The following ZW10 variants were observed in gnomAD, a reference collection of about 807,000 sequenced individuals.
The protein encoded by ZW10 is centromere/kinetochore protein zw10 homolog.
Under a neutral mutation model 87.8 loss-of-function variants are expected in ZW10, and 53 were observed. That is an observed-to-expected ratio of 0.60 (90% CI 0.48 to 0.76). ZW10 has a LOEUF of 0.76. Among genes scored for constraint, ZW10 ranks in the 30% least tolerant of loss-of-function variants. The pLI is 0.00. For synonymous variants in ZW10, 312 were observed against 329.2 expected (o/e 0.95, Z 0.57); for missense variants, 837 against 923.0 (o/e 0.91, Z 1.21).
At chr11:113,738,692 A>T (rs985122500) in intron 12 of ZW10, among the ~76,000 whole-genome samples, 3 of 152,208 alleles carry the variant, frequency 2.0e-5, no homozygotes, top group African/African-American at 7.2e-5. Flanking sequence ...TATCTATACC[A>T]ACTAGGGAAA....
intron 9 of ZW10, among the ~76,000 whole-genome samples, chr11:113,744,384 C>G (rs1374226238): frequency 6.6e-6 from 1 of 151,710 alleles, no homozygotes; most frequent in Non-Finnish European, 1.5e-5. Context: ...GCCTGGGCGA[C>G]AGAGCACGAC....
At chr11:113,771,556 G>A (rs1406071131) in intron 1 of ZW10, 1 of 152,220 alleles carries the variant, frequency 6.6e-6, no homozygotes, top group African/African-American at 2.4e-5. Context: ...ATTCCACCAT[G>A]GGAAGAGAGA....
At chr11:113,763,552 C>A (rs965471561) in intron 2 of ZW10, among the ~76,000 whole-genome samples, 2 of 152,164 alleles carry the variant, frequency 1.3e-5, no homozygotes, top group African/African-American at 4.8e-5. Context: ...TTTTAATAAT[C>A]GCCATTCTGA....
chr11:113,755,465 G>A (rs1030685270), intron 7 of ZW10, among the ~76,000 whole-genome samples: 4 of 152,148 alleles, frequency 2.6e-5, no homozygotes, highest in Non-Finnish European at 5.9e-5. Context: ...GATAAAACCC[G>A]AATGTATGAT....
At chr11:113,741,429 A>G (rs1190286033) in intron 11 of ZW10, among the ~76,000 whole-genome samples, 1 of 152,268 alleles carries the variant, frequency 6.6e-6, no homozygotes, top group Non-Finnish European at 1.5e-5. Flanking sequence ...CAGTTCTGAA[A>G]ATGCTTAGCA....
chr11:113,770,644 C>T (rs1274792554), intron 1 of ZW10: 1 of 150,838 alleles, frequency 6.6e-6, no homozygotes, highest in African/African-American at 2.4e-5. Flanking sequence ...TGGTGAAAAC[C>T]CATCTCTACT....
rs1565282911 is a variant in ZW10 at position 113,748,354 on chromosome 11, C to G, written c.992G>C (p.Gly331Ala). 6.2e-7 allele frequency: 1 copy of G among 1,613,704 alleles called. No individual in the cohort carries two copies. The highest frequency in any genetic ancestry group is 8.5e-7 in the Non-Finnish European group (1 of 1,179,820). Residue 331 changes from glycine to alanine, a missense_variant, in exon 8 of 16, where the codon GGA becomes GCA. Coordinates refer to ENST00000200135, the MANE Select transcript of ZW10 (RefSeq NM_004724.4). Reference sequence around the variant, plus strand: ...AGACAAGTCCTCCCAGATCATGTCTCCAAGCATCTCAGCCAATGGGACAGT... The same window carrying G: ...AGACAAGTCCTCCCAGATCATGTCTGCAAGCATCTCAGCCAATGGGACAGT... ...TSTVPLAEML[G>A]DMIWEDLSEC...
intron 1 of ZW10, chr11:113,771,163 A>T (rs1280544220): frequency 6.6e-6 from 1 of 151,824 alleles, no homozygotes; most frequent in East Asian, 1.9e-4. Context: ...TTTAGTAGAG[A>T]AGAAGTTTCA....
In ZW10 at chr11:113,747,602, T is replaced by C. The variant is rs746522025; in HGVS notation, c.1201A>G (p.Asn401Asp). Residue 401 changes from asparagine (N) to aspartate (D), a missense_variant, in exon 9 of 16, where the codon AAC (asparagine) becomes GAC (aspartate). Physicochemically the swap from Asn to Asp is conservative, Grantham distance 23 (BLOSUM62 1). Coordinates refer to ENST00000200135, the MANE Select transcript of ZW10 (RefSeq NM_004724.4). ...YARNINSHFANKKCQDVIVAA... is the reference protein window; with the variant it reads ...YARNINSHFADKKCQDVIVAA... ...ACAATCACATCCTGGCACTTTTTGT[T>C]TGCAAAATGAGAATTGATGTTACGA... 1 of 1,613,816 alleles carries C rather than the reference T, an allele frequency of 6.2e-7. No individual in the cohort carries two copies. Among genetic ancestry groups the C allele is most frequent in the Non-Finnish European group, 8.5e-7 (1 of 1,179,808 alleles).
At chr11:113,753,658 G>A (rs1396505990) in intron 7 of ZW10, among the ~76,000 whole-genome samples, 1 of 152,154 alleles carries the variant, frequency 6.6e-6, no homozygotes, top group Non-Finnish European at 1.5e-5. Context: ...CATCTGCCCT[G>A]GCCTCCCAAA....
intron 2 of ZW10, among the ~76,000 whole-genome samples, chr11:113,767,135 C>T (rs1236424988): frequency 6.6e-6 from 1 of 150,644 alleles, no homozygotes; most frequent in Non-Finnish European, 1.5e-5. Context: ...AATAGCTGGG[C>T]CTTAGATTGT....
chr11:113,739,767 T>C (rs1953594597), intron 11 of ZW10, among the ~76,000 whole-genome samples: 1 of 152,222 alleles, frequency 6.6e-6, no homozygotes, highest in East Asian at 1.9e-4. Flanking sequence ...AGTCATATAA[T>C]GAAGTGTTCA....
intron 2 of ZW10, among the ~76,000 whole-genome samples, chr11:113,765,028 T>C (rs771693564): frequency 1.1e-4 from 16 of 152,200 alleles, no homozygotes; most frequent in Non-Finnish European, 1.8e-4. Context: ...ACATTGGCTG[T>C]CACTGGTTTG....
chr11:113,753,700 C>G (rs941627944), intron 7 of ZW10, among the ~76,000 whole-genome samples: 2 of 152,232 alleles, frequency 1.3e-5, no homozygotes, highest in Non-Finnish European at 2.9e-5. Flanking sequence ...GCCACTGTGC[C>G]TGGCAATTTA....
intron 2 of ZW10, among the ~76,000 whole-genome samples, chr11:113,767,170 C>T (rs1288696217): frequency 7.4e-6 from 1 of 134,496 alleles, no homozygotes; most frequent in Non-Finnish European, 1.6e-5. Context: ...TACCAAACTA[C>T]GATGATTAAA....
chr11:113,753,106 A>G (rs1343717644), intron 7 of ZW10, among the ~76,000 whole-genome samples: 2 of 152,004 alleles, frequency 1.3e-5, no homozygotes, highest in Non-Finnish European at 2.9e-5. Flanking sequence ...GGTTTGTTGT[A>G]TAGATTATTG....
chr11:113,755,762 G>A (rs1173732425), intron 7 of ZW10, among the ~76,000 whole-genome samples: 5 of 152,096 alleles, frequency 3.3e-5, no homozygotes, highest in African/African-American at 7.2e-5. Flanking sequence ...AGAAATTGAC[G>A]CAGCCATCCA....
chr11:113,773,144 G>T (rs1937658592), intron 1 of ZW10, among the ~76,000 whole-genome samples: 1 of 151,824 alleles, frequency 6.6e-6, no homozygotes, highest in Non-Finnish European at 1.5e-5. Flanking sequence ...AGGGGAAGGG[G>T]GATCCTGTCT....
intron 7 of ZW10, among the ~76,000 whole-genome samples, chr11:113,757,077 A>C (rs1591418504): frequency 6.6e-6 from 1 of 152,226 alleles, no homozygotes; most frequent in East Asian, 1.9e-4. Context: ...ACAGCTGAGA[A>C]AAGCACATAG....
Sources: gnomAD v4.1 joint callset for allele counts (sites outside exome capture counted in the v4.1 genomes callset) on GRCh38, gnomAD v4.1.1 for gene constraint, MANE v1.5 for transcripts, NCBI Gene and HGNC (gene_info 2026-07-23, HGNC 2026-07-21) for gene names.